Variants in EHD4 observed in about 807,000 individuals in gnomAD.
The protein encoded by EHD4 is EH domain containing 4, also known as EH domain-containing protein 4.
Under a neutral mutation model 51.0 loss-of-function variants are expected in EHD4, and 37 were observed. The observed-to-expected ratio is 0.73, with a 90% CI of 0.56 to 0.95. The LOEUF (loss-of-function observed/expected upper bound fraction) is 0.95. Ranked by LOEUF, EHD4 falls within the 40% of genes least tolerant of loss-of-function variation. The pLI is 0.00. For missense variants in EHD4, 632 were observed against 733.1 expected (o/e 0.86, Z 1.59); for synonymous variants, 297 against 317.3 (o/e 0.94, Z 0.68).
rs763853917 is a variant in EHD4, at chr15:41,943,104, G to A, written c.474C>T (p.Pro158=). 87 of 1,590,600 alleles carry A rather than the reference G, an allele frequency of 5.5e-5. 1 individual carries two copies. In the South Asian group the frequency reaches 7.1e-4, roughly 13 times the overall value. ...GCTGCTTCTCCCCAGAAAGGATGCCGGGGCTGTCGATGACGCTGATGCTCT... is the reference window on the plus strand; with the variant it reads ...GCTGCTTCTCCCCAGAAAGGATGCCAGGGCTGTCGATGACGCTGATGCTCT... ...VLKSISVIDS[P]GILSGEKQRI... Residue 158 remains proline, a synonymous_variant, in exon 3 of 6, where the codon CCC becomes CCT. Coordinates refer to ENST00000220325, the MANE Select transcript of EHD4 (RefSeq NM_139265.4).
At chr15:41,916,107 G>C (rs915981273) in intron 4 of EHD4, among the ~76,000 whole-genome samples, 2 of 152,186 alleles carry the variant, frequency 1.3e-5, no homozygotes, top group African/African-American at 4.8e-5. Flanking sequence ...ACTCAGACTT[G>C]ACATCTCTTA....
intron 4 of EHD4, among the ~76,000 whole-genome samples, chr15:41,917,014 C>T (rs1044571965): frequency 5.9e-5 from 9 of 152,316 alleles, no homozygotes; most frequent in South Asian, 2.1e-4. Context: ...CGCGCTGGCC[C>T]GTTCAGAGGG....
At chr15:41,926,389 C>T (rs79861715) in intron 3 of EHD4, among the ~76,000 whole-genome samples, 9,692 of 152,188 alleles carry the variant, frequency 0.064, 341 homozygotes, top group Middle Eastern at 0.082. Flanking sequence ...CTGCCCGCCC[C>T]TCCCATAGTT....
chr15:41,957,261 G>A (rs1013232969), intron 1 of EHD4, among the ~76,000 whole-genome samples: 1 of 152,152 alleles, frequency 6.6e-6, no homozygotes, highest in African/African-American at 2.4e-5. Context: ...GCCCAGGGAG[G>A]TTGAAGCTGC....
intron 1 of EHD4, among the ~76,000 whole-genome samples, chr15:41,954,292 C>T (rs924001367): frequency 1.3e-5 from 2 of 152,146 alleles, no homozygotes; most frequent in Non-Finnish European, 2.9e-5. Flanking sequence ...TGTTTATGGG[C>T]CCTGCAAGGT....
intron 5 of EHD4, among the ~76,000 whole-genome samples, chr15:41,906,625 C>T (rs943618889): frequency 2.0e-5 from 3 of 152,220 alleles, no homozygotes; most frequent in African/African-American, 4.8e-5. Context: ...GGACCGGAGC[C>T]ATGGGCCAGA....
chr15:41,917,544 G>C (rs1302709059), intron 4 of EHD4, among the ~76,000 whole-genome samples: 1 of 152,198 alleles, frequency 6.6e-6, no homozygotes, highest in African/African-American at 2.4e-5. Flanking sequence ...CTCAAAATCT[G>C]CAAAGGCTAT....
At position 41,919,498 on chromosome 15, in the gene EHD4, G is replaced by A; in HGVS notation, c.636C>T (p.Gly212=). 1.3e-6 allele frequency: 2 copies of A among 1,551,674 alleles called. No homozygotes were observed. Among genetic ancestry groups the A allele is most frequent in the Non-Finnish European group, 1.7e-6 (2 of 1,151,984 alleles). The change falls in exon 4 of 6, where the codon GGC becomes GGT. Residue 212 remains glycine (G), a synonymous_variant. Transcript: ENST00000220325. ...EFSEAIKAFR[G]QDDKIRVVLN... is the part of the protein sequence containing the mutation. ...GCACGACACGGATCTTGTCGTCCTG[G>A]CCCCGGAAGGCCTTGATGGCCTCTG...
chr15:41,927,894 C>A (rs1023486757), intron 3 of EHD4, among the ~76,000 whole-genome samples: 1 of 152,158 alleles, frequency 6.6e-6, no homozygotes, highest in Non-Finnish European at 1.5e-5. Flanking sequence ...CAAGTGAATT[C>A]ACTTGAACAA....
intron 4 of EHD4, among the ~76,000 whole-genome samples, chr15:41,912,320 G>A (rs550452167): frequency 6.6e-6 from 1 of 152,236 alleles, no homozygotes; most frequent in African/African-American, 2.4e-5. Flanking sequence ...GCCTCTGCAT[G>A]TCCACCCGCG....
At chr15:41,970,159 G>A (rs1300854524) in intron 1 of EHD4, among the ~76,000 whole-genome samples, 10 of 152,100 alleles carry the variant, frequency 6.6e-5, no homozygotes, top group African/African-American at 2.2e-4. Flanking sequence ...ATTTCCTCCC[G>A]GGTGCTAAAT....
chr15:41,965,069 G>A (rs773018203), intron 1 of EHD4, among the ~76,000 whole-genome samples: 1 of 152,102 alleles, frequency 6.6e-6, no homozygotes, highest in Non-Finnish European at 1.5e-5. Context: ...GCTGCGCCCA[G>A]CCTATTATCT....
At chr15:41,966,753 G>A (rs1286380769) in intron 1 of EHD4, among the ~76,000 whole-genome samples, 4 of 152,170 alleles carry the variant, frequency 2.6e-5, no homozygotes, top group South Asian at 2.1e-4. Flanking sequence ...TCAGGAAAAC[G>A]TTCTTATCTT....
Position 41,943,063 on chromosome 15 carries a change from T to A in EHD4, c.511+4A>T. 5 of 1,566,890 alleles carry A rather than the reference T, an allele frequency of 3.2e-6. No individual in the cohort carries two copies. The highest frequency in any genetic ancestry group is 4.3e-6 in the Non-Finnish European group (5 of 1,155,172). ...GGTGGGGAGGGGCAGGGACAGGCAC[T>A]GACCTCGGCTGATGCGCTGCTTCTC... On this transcript the variant is annotated splice_donor_region_variant and intron_variant, in intron 3 of 5. Coordinates refer to ENST00000220325, the MANE Select transcript of EHD4 (RefSeq NM_139265.4).
At chr15:41,956,285 G>A (rs1242241117) in intron 1 of EHD4, among the ~76,000 whole-genome samples, 5 of 152,124 alleles carry the variant, frequency 3.3e-5, no homozygotes, top group African/African-American at 1.2e-4. Context: ...GCGGCAACAC[G>A]GCCCCTTCTC....
intron 3 of EHD4, among the ~76,000 whole-genome samples, chr15:41,922,112 G>C (rs961875015): frequency 2.6e-5 from 4 of 152,174 alleles, no homozygotes; most frequent in African/African-American, 9.7e-5. Context: ...GATAAGGCTG[G>C]GCACGGTGGC....
In EHD4 at chr15:41,901,012, G is replaced by A; in HGVS notation, c.1259C>T (p.Thr420Ile). The change falls in exon 6 of 6, where the codon ACC becomes ATC. Residue 420 changes from threonine to isoleucine, a missense_variant. By Grantham distance (89) the Thr-to-Ile change is moderately conservative. Transcript: ENST00000220325. ...GCCCTGGTTGAAGGGGCCCTCGGTGGTGCCATCGAAGGCGCCGCCCTGCAC... is the reference window on the plus strand; with the variant it reads ...GCCCTGGTTGAAGGGGCCCTCGGTGATGCCATCGAAGGCGCCGCCCTGCAC... Reference protein sequence around the residue: ...QLVQGGAFDGTTEGPFNQGYG... With the variant: ...QLVQGGAFDGITEGPFNQGYG... 1.2e-6 allele frequency: 2 copies of A among 1,608,568 alleles called. No individual in the cohort carries two copies. Among genetic ancestry groups the A allele is most frequent in the Non-Finnish European group, 1.7e-6 (2 of 1,176,008 alleles).
intron 2 of EHD4, among the ~76,000 whole-genome samples, chr15:41,953,029 G>A (rs1241295114): frequency 8.1e-5 from 11 of 135,318 alleles, no homozygotes; most frequent in African/African-American, 3.0e-4. Context: ...AAACGACCAC[G>A]TAAGAAAATC....
chr15:41,955,908 C>T (rs572998653), intron 1 of EHD4, among the ~76,000 whole-genome samples: 3 of 152,352 alleles, frequency 2.0e-5, no homozygotes, highest in African/African-American at 7.2e-5. Flanking sequence ...CCAGATCACA[C>T]TCTTGCCTCC....
Sources: allele counts gnomAD v4.1 joint callset (sites outside exome capture counted in the v4.1 genomes callset), GRCh38; gene constraint gnomAD v4.1.1; transcripts MANE v1.5; gene names NCBI Gene and HGNC (gene_info 2026-07-23, HGNC 2026-07-21).